The following PTCHD4 variants were observed in gnomAD, a reference collection of about 807,000 sequenced individuals.
PTCHD4 encodes patched domain containing 4.
A neutral mutation model predicts 58.1 loss-of-function variants in PTCHD4; 33 were observed. The observed-to-expected ratio is 0.57, with a 90% CI of 0.43 to 0.76. The LOEUF is 0.76. Among genes scored for constraint, PTCHD4 ranks in the 30% least tolerant of loss-of-function variants. The probability of loss-of-function intolerance (pLI) is 0.00; values close to 1 mark genes in which losing one functional copy is unlikely to be tolerated. For synonymous variants in PTCHD4, 478 were observed against 409.6 expected (o/e 1.17, Z -2.02); for missense variants, 1,058 against 1,027.1 (o/e 1.03, Z -0.41).
intron 3 of PTCHD4, among the ~76,000 whole-genome samples, chr6:48,060,794 G>A (rs1043587144): frequency 3.3e-5 from 5 of 152,156 alleles, no homozygotes; most frequent in African/African-American, 1.2e-4. Context: ...CCTTTGAAAT[G>A]GCAAAGTTAG....
chr6:47,969,226 A>G (rs1414938866), intron 4 of PTCHD4, among the ~76,000 whole-genome samples: 2 of 152,186 alleles, frequency 1.3e-5, no homozygotes, highest in African/African-American at 4.8e-5. Flanking sequence ...TCAGCAGTAC[A>G]TTAGGAGCCT....
At chr6:47,978,533 G>A (rs576537513) in intron 4 of PTCHD4, among the ~76,000 whole-genome samples, 13 of 152,126 alleles carry the variant, frequency 8.5e-5, no homozygotes, top group East Asian at 3.9e-4. Context: ...GTGTTAATTC[G>A]CTTAGAATAG....
rs1049280857 is a variant in PTCHD4 at position 47,868,241 on chromosome 6, A to G, written c.*10062T>C. Reference sequence around the variant, plus strand: ...CCTTAATTTTTCTTTATGTTGGATCACATTCTCCCTTATTTTACTATCAAG... The same window carrying G: ...CCTTAATTTTTCTTTATGTTGGATCGCATTCTCCCTTATTTTACTATCAAG... On this transcript the variant is annotated 3_prime_UTR_variant, in exon 5 of 5. Coordinates refer to ENST00000339488, the MANE Select transcript of PTCHD4 (RefSeq NM_001384253.1). Among the ~76,000 whole-genome samples the G allele has an allele frequency of 1.3e-5, 2 of 151,468 alleles. No homozygotes were observed. The highest frequency in any genetic ancestry group is 4.8e-5 in the African/African-American group (2 of 41,306).
At chr6:48,055,888 G>C (rs1475274531) in intron 3 of PTCHD4, among the ~76,000 whole-genome samples, 1 of 152,132 alleles carries the variant, frequency 6.6e-6, no homozygotes, top group African/African-American at 2.4e-5. Flanking sequence ...ACATTGAATT[G>C]TACGGAAAGA....
intron 1 of PTCHD4, among the ~76,000 whole-genome samples, chr6:48,072,714 A>G (rs1413719670): frequency 2.6e-5 from 4 of 152,094 alleles, no homozygotes; most frequent in South Asian, 2.1e-4. Flanking sequence ...TGGTTTTTAT[A>G]TAACTATCTG....
rs1763430907 is a variant in PTCHD4 at position 47,861,744 on chromosome 6, G to A, written c.*16559C>T. Among the ~76,000 whole-genome samples, 1 of 151,892 alleles carries A rather than the reference G, an allele frequency of 6.6e-6. No homozygotes were observed. Among genetic ancestry groups the A allele is most frequent in the African/African-American group, 2.4e-5 (1 of 41,418 alleles). On this transcript the variant is annotated 3_prime_UTR_variant, in exon 5 of 5. Coordinates refer to ENST00000339488, the MANE Select transcript of PTCHD4 (RefSeq NM_001384253.1). ...TCTCATAACAAATGTTTCAGTGAAAGCAAATAGTTACTTTCTTCTTTTTAT... is the reference window on the plus strand; with the variant it reads ...TCTCATAACAAATGTTTCAGTGAAAACAAATAGTTACTTTCTTCTTTTTAT...
At chr6:47,924,712 A>C (rs1415847830) in intron 4 of PTCHD4, among the ~76,000 whole-genome samples, 1 of 152,136 alleles carries the variant, frequency 6.6e-6, no homozygotes, top group Non-Finnish European at 1.5e-5. Context: ...TTTCACTGAG[A>C]CTTTGTTCAA....
intron 1 of PTCHD4, among the ~76,000 whole-genome samples, chr6:48,096,936 A>G (rs1029657019): frequency 6.6e-6 from 1 of 152,210 alleles, no homozygotes; most frequent in Non-Finnish European, 1.5e-5. Context: ...TTATATACAC[A>G]AATATTGATA....
rs1181168809 is a variant in PTCHD4, at chr6:47,858,414, A to G, written c.*19889T>C. Reference sequence around the variant, plus strand: ...GGATAAAAATATAAGTAACAATCTCAGCTGAGAATGAGGCAGAAATGTAAA... The same window carrying G: ...GGATAAAAATATAAGTAACAATCTCGGCTGAGAATGAGGCAGAAATGTAAA... On this transcript the variant is annotated 3_prime_UTR_variant, in exon 5 of 5. Transcript: ENST00000339488. 6.6e-6 allele frequency among the ~76,000 whole-genome samples: 1 copy of G among 152,044 alleles called. No individual in the cohort carries two copies. Among genetic ancestry groups the G allele is most frequent in the African/African-American group, 2.4e-5 (1 of 41,432 alleles).
At chr6:48,003,113 G>T (rs554394920) in intron 4 of PTCHD4, among the ~76,000 whole-genome samples, 3 of 152,164 alleles carry the variant, frequency 2.0e-5, no homozygotes, top group East Asian at 1.9e-4. Flanking sequence ...CCATTGAAAT[G>T]CTCCGGGGCT....
intron 4 of PTCHD4, among the ~76,000 whole-genome samples, chr6:47,935,544 C>A (rs1419211205): frequency 6.6e-6 from 1 of 152,088 alleles, no homozygotes; most frequent in Non-Finnish European, 1.5e-5. Context: ...GGCCTCAAAC[C>A]CCAAGAAAGC....
At chr6:47,882,741 GATAT>G (rs1554149146) in intron 4 of PTCHD4, among the ~76,000 whole-genome samples, 2 of 102,372 alleles carry the variant, frequency 2.0e-5, no homozygotes, top group East Asian at 3.4e-4. Flanking sequence ...TGATTCCAGT[GATAT>G]ATATATATAT....
At chr6:47,955,025 C>G (rs754432846) in intron 4 of PTCHD4, among the ~76,000 whole-genome samples, 7 of 152,178 alleles carry the variant, frequency 4.6e-5, no homozygotes, top group Non-Finnish European at 8.8e-5. Flanking sequence ...ATAGGCATGA[C>G]CATCAAATGA....
chr6:47,882,741 G>GAGATATATATATATATATAT (rs143060584), intron 4 of PTCHD4, among the ~76,000 whole-genome samples: 1,071 of 102,406 alleles, frequency 0.01, 54 homozygotes, highest in African/African-American at 0.015. Flanking sequence ...TGATTCCAGT[G>GAGATATATATATATATATAT]ATATATATAT....
rs1763602779 is a variant in PTCHD4 at position 48,035,545 on chromosome 6, T to C, written c.418-26431A>G. ...GCAGTTGAGTCTGTTCTGACAAAGA[T>C]TCTCTCCTTGAAGAAACTCTACTCA... On this transcript the variant is annotated intron_variant, in intron 3 of 4. Coordinates refer to ENST00000339488, the MANE Select transcript of PTCHD4 (RefSeq NM_001384253.1). Among the ~76,000 whole-genome samples, 4 of 152,156 alleles carry C rather than the reference T, an allele frequency of 2.6e-5. No individual in the cohort carries two copies. In the South Asian group the frequency reaches 6.2e-4, roughly 24 times the overall value.
chr6:47,968,247 G>T (rs1205178586), intron 4 of PTCHD4, among the ~76,000 whole-genome samples: 11 of 152,102 alleles, frequency 7.2e-5, no homozygotes, highest in Admixed American at 7.2e-4. Flanking sequence ...GGTCAATGGG[G>T]CAGTCAGAAC....
chr6:48,023,289 C>A (rs1763128997), intron 3 of PTCHD4, among the ~76,000 whole-genome samples: 1 of 151,964 alleles, frequency 6.6e-6, no homozygotes, highest in African/African-American at 2.4e-5. Flanking sequence ...CTTAATAAGT[C>A]CAGTGGTAGT....
intron 4 of PTCHD4, among the ~76,000 whole-genome samples, chr6:47,962,560 G>C (rs1034460198): frequency 1.3e-5 from 2 of 152,062 alleles, no homozygotes; most frequent in African/African-American, 4.8e-5. Context: ...TGAGAATCTC[G>C]TGAGGTTATA....
chr6:47,861,217 T>C lies in PTCHD4; in HGVS notation c.*17086A>G, dbSNP rs956320800. Among the ~76,000 whole-genome samples, 1 of 151,984 alleles carries C rather than the reference T, an allele frequency of 6.6e-6. No homozygotes were observed. The highest frequency in any genetic ancestry group is 2.4e-5 in the African/African-American group (1 of 41,406). On this transcript the variant is annotated 3_prime_UTR_variant, in exon 5 of 5. Transcript: ENST00000339488. ...TCTTTAGGCCATCCTTCTAAATATG[T>C]CTTAGTCATTGCTGTGCTAAATAGA... is the stretch of plus-strand genomic sequence containing the variant.
Sources: allele counts gnomAD v4.1 joint callset (sites outside exome capture counted in the v4.1 genomes callset), GRCh38; gene constraint gnomAD v4.1.1; transcripts MANE v1.5; gene names NCBI Gene and HGNC (gene_info 2026-07-23, HGNC 2026-07-21).